The following ZNF804B variants were observed in gnomAD, a reference collection of about 807,000 sequenced individuals.
ZNF804B encodes zinc finger 804B.
In ZNF804B, 80 loss-of-function variants were observed where a neutral mutation model predicts 101.4. The ratio of observed to expected loss-of-function variants is 0.79; its 90% CI spans 0.66 to 0.95. ZNF804B has a LOEUF of 0.95. ZNF804B is among the 40% of genes least tolerant of loss of function. The pLI, the probability that ZNF804B is intolerant of heterozygous loss-of-function variation, is 0.00. For missense variants in ZNF804B, 1,673 were observed against 1,561.9 expected (o/e 1.07, Z -1.20); for synonymous variants, 622 against 558.8 (o/e 1.11, Z -1.59).
intron 1 of ZNF804B, among the ~76,000 whole-genome samples, chr7:89,051,617 A>G (rs1364780462): frequency 1.3e-5 from 2 of 152,292 alleles, no homozygotes; most frequent in East Asian, 1.9e-4. Flanking sequence ...ACATCTTTTC[A>G]TATACTAAGA....
chr7:88,858,807 T>G (rs1051418075), intron 1 of ZNF804B, among the ~76,000 whole-genome samples: 1 of 152,128 alleles, frequency 6.6e-6, no homozygotes, highest in Non-Finnish European at 1.5e-5. Flanking sequence ...ACTGTTAGCA[T>G]TATGTATTTG....
chr7:89,026,443 T>G (rs781690821), intron 1 of ZNF804B, among the ~76,000 whole-genome samples: 1 of 152,084 alleles, frequency 6.6e-6, no homozygotes, highest in Non-Finnish European at 1.5e-5. Context: ...TATGATTACA[T>G]TTGTATTTTT....
intron 2 of ZNF804B, among the ~76,000 whole-genome samples, chr7:89,236,055 T>C (rs1320053903): frequency 6.6e-6 from 1 of 152,184 alleles, no homozygotes; most frequent in African/African-American, 2.4e-5. Context: ...CAAGTTATAA[T>C]GCTTAGTAGG....
chr7:89,283,895 G>A (rs1265348182), intron 2 of ZNF804B, among the ~76,000 whole-genome samples: 2 of 151,904 alleles, frequency 1.3e-5, no homozygotes, highest in African/African-American at 2.4e-5. Context: ...AAAACTTCAA[G>A]TCTCAGACAT....
chr7:89,292,645 C>T (rs1012630930), intron 2 of ZNF804B, among the ~76,000 whole-genome samples: 42 of 151,574 alleles, frequency 2.8e-4, no homozygotes, highest in African/African-American at 8.2e-4. Flanking sequence ...AAGTAAAGAA[C>T]GAAGACCACA....
chr7:88,864,479 G>T (rs969216957), intron 1 of ZNF804B, among the ~76,000 whole-genome samples: 8 of 152,144 alleles, frequency 5.3e-5, no homozygotes, highest in Non-Finnish European at 1.2e-4. Context: ...TACACAACTG[G>T]CTCTCAACTA....
At chr7:89,306,816 A>G (rs866512402) in intron 2 of ZNF804B, among the ~76,000 whole-genome samples, 2 of 152,144 alleles carry the variant, frequency 1.3e-5, no homozygotes, top group Middle Eastern at 3.4e-3. Context: ...GGTTTAGAAC[A>G]CAGATTTAGG....
At chr7:89,115,130 AGG>A (rs1790289180) in intron 1 of ZNF804B, among the ~76,000 whole-genome samples, 1 of 152,182 alleles carries the variant, frequency 6.6e-6, no homozygotes. Context: ...GAGGGAATCA[AGG>A]TCAAGCACAT....
chr7:88,813,377 A>G (rs1487168356), intron 1 of ZNF804B, among the ~76,000 whole-genome samples: 2 of 151,094 alleles, frequency 1.3e-5, no homozygotes, highest in African/African-American at 4.9e-5. Context: ...GTGAGCCGAG[A>G]TCACGCCACA....
intron 1 of ZNF804B, among the ~76,000 whole-genome samples, chr7:88,917,984 A>G (rs1792660886): frequency 6.6e-6 from 1 of 152,218 alleles, no homozygotes; most frequent in East Asian, 1.9e-4. Context: ...TTTGAAATTT[A>G]TCCAGAAATA....
intron 2 of ZNF804B, among the ~76,000 whole-genome samples, chr7:89,311,406 T>C (rs1490271386): frequency 6.6e-6 from 1 of 152,328 alleles, no homozygotes; most frequent in East Asian, 1.9e-4. Context: ...TTTTCTGTTC[T>C]GGAATCTTTC....
chr7:89,279,274 A>G (rs1282360277), intron 2 of ZNF804B, among the ~76,000 whole-genome samples: 2 of 151,934 alleles, frequency 1.3e-5, no homozygotes, highest in Non-Finnish European at 2.9e-5. Flanking sequence ...GGTTTTCTAG[A>G]TATACAATCA....
At chr7:89,291,753 A>G (rs980616786) in intron 2 of ZNF804B, among the ~76,000 whole-genome samples, 1 of 152,156 alleles carries the variant, frequency 6.6e-6, no homozygotes, top group Non-Finnish European at 1.5e-5. Flanking sequence ...AATCCTAGAG[A>G]AAGATATTAA....
intron 1 of ZNF804B, among the ~76,000 whole-genome samples, chr7:89,204,549 C>T (rs2115659426): frequency 6.6e-6 from 1 of 152,202 alleles, no homozygotes; most frequent in East Asian, 1.9e-4. Context: ...CTCAGTAGGT[C>T]CTGCTTTTCC....
rs1791939284 is a variant in ZNF804B at position 88,876,381 on chromosome 7, A to G, written c.108+116297A>G. On this transcript the variant is annotated intron_variant, in intron 1 of 3. Coordinates refer to ENST00000333190, the MANE Select transcript of ZNF804B (RefSeq NM_181646.5). ...AATTTTTGCTGCTCTTTCTGAATGC[A>G]CTTCTGTGAGTCTAATGAGTCTAGG... Among the ~76,000 whole-genome samples, 4 of 152,198 alleles carry G rather than the reference A, an allele frequency of 2.6e-5. No individual in the cohort carries two copies. The South Asian group carries it at 8.3e-4, about 31-fold the overall frequency.
intron 1 of ZNF804B, among the ~76,000 whole-genome samples, chr7:88,963,434 C>T (rs1793415453): frequency 6.6e-6 from 1 of 151,254 alleles, no homozygotes; most frequent in African/African-American, 2.4e-5. Context: ...GTACTTTCAA[C>T]AGATGGTGCT....
chr7:88,849,018 CAGCTAGG>C (rs1336328111), intron 1 of ZNF804B, among the ~76,000 whole-genome samples: 28 of 152,062 alleles, frequency 1.8e-4, no homozygotes, highest in African/African-American at 6.3e-4. Context: ...ACAGGGTGAT[CAGCTAGG>C]AGACTAGTGA....
chr7:88,952,165 G>T (rs1793233595), intron 1 of ZNF804B, among the ~76,000 whole-genome samples: 1 of 151,468 alleles, frequency 6.6e-6, no homozygotes, highest in African/African-American at 2.4e-5. Flanking sequence ...AGTCCTATTG[G>T]CTTTGTTGAC....
At chr7:89,297,860 AT>A (rs532844363) in intron 2 of ZNF804B, among the ~76,000 whole-genome samples, 2,842 of 151,854 alleles carry the variant, frequency 0.019, 76 homozygotes, top group African/African-American at 0.065. Context: ...AAGTTGGGAA[AT>A]TTAGATAGCA....
Sources: gnomAD v4.1 joint callset for allele counts (sites outside exome capture counted in the v4.1 genomes callset) on GRCh38, gnomAD v4.1.1 for gene constraint, MANE v1.5 for transcripts, NCBI Gene and HGNC (gene_info 2026-07-23, HGNC 2026-07-21) for gene names.